Variants in SETD2 observed in about 807,000 individuals in gnomAD.
SETD2 encodes the protein SET domain containing 2, histone lysine methyltransferase, also known as histone-lysine N-methyltransferase SETD2.
In SETD2, 31 loss-of-function variants were observed where a neutral mutation model predicts 242.1. The observed-to-expected ratio is 0.13, with a 90% CI of 0.10 to 0.17. The LOEUF is 0.17. SETD2 is among the 10% of genes least tolerant of loss of function. SETD2 has a pLI of 1.00. For missense variants in SETD2, 2,481 were observed against 3,046.3 expected (o/e 0.81, Z 4.37); for synonymous variants, 1,006 against 1,066.5 (o/e 0.94, Z 1.11).
At chr3:47,130,244 G>C (rs2043446904) in intron 1 of SETD2, among the ~76,000 whole-genome samples, 2 of 152,190 alleles carry the variant, frequency 1.3e-5, no homozygotes, top group African/African-American at 4.8e-5. Context: ...AATAGACAGG[G>C]AGTGAAATCT....
At chr3:47,095,966 G>C (rs549798131) in intron 9 of SETD2, among the ~76,000 whole-genome samples, 1 of 152,000 alleles carries the variant, frequency 6.6e-6, no homozygotes, top group African/African-American at 2.4e-5. Context: ...ATATTGCCTA[G>C]GATGGTCTTG....
At chr3:47,089,057 A>G (rs962769179) in intron 9 of SETD2, among the ~76,000 whole-genome samples, 6 of 152,226 alleles carry the variant, frequency 3.9e-5, no homozygotes, top group African/African-American at 1.4e-4. Context: ...ATTAAGAAAA[A>G]GCAAGTTCCA....
At chr3:47,049,747 A>AAACTTATTCTATGAGTTTATATTAT (rs1488903555) in intron 15 of SETD2, among the ~76,000 whole-genome samples, 10 of 36,080 alleles carry the variant, frequency 2.8e-4, no homozygotes, top group Non-Finnish European at 6.1e-4. Flanking sequence ...ATTATATATT[A>AAACTTATTCTATGAGTTTATATTAT]TATATATAAA....
At chr3:47,062,136 A>G (rs1559677975) in intron 14 of SETD2, 27 bp downstream of exon 14, 3 of 1,595,804 alleles carry the variant, frequency 1.9e-6, no homozygotes, top group Non-Finnish European at 2.6e-6. Flanking sequence ...AAAAACAAAA[A>G]CAAAAAAACT....
chr3:47,144,365 G>A (rs1277165243), intron 1 of SETD2, among the ~76,000 whole-genome samples: 1 of 152,144 alleles, frequency 6.6e-6, no homozygotes, highest in African/African-American at 2.4e-5. Flanking sequence ...CCAGCCGGGT[G>A]CAGTGGCTCA....
chr3:47,140,598 C>CGTGA (rs748577432), intron 1 of SETD2, among the ~76,000 whole-genome samples: 6 of 152,180 alleles, frequency 3.9e-5, no homozygotes, highest in Non-Finnish European at 5.9e-5. Context: ...CAGTGGCTCA[C>CGTGA]GCCTGTAATC....
chr3:47,043,799 C>T (rs1041525240), intron 16 of SETD2, among the ~76,000 whole-genome samples: 2 of 152,130 alleles, frequency 1.3e-5, no homozygotes, highest in East Asian at 3.8e-4. Flanking sequence ...CTCCATTACC[C>T]TATCCTTTAG....
Position 47,105,335 on chromosome 3 carries a change from G to A in SETD2, c.4839+662C>T, listed in dbSNP as rs140406734. Among the ~76,000 whole-genome samples the A allele has an allele frequency of 4.8e-3, 717 of 150,886 alleles. 9 individuals are homozygous for A. The highest frequency in any genetic ancestry group is 0.017 in the African/African-American group (683 of 40,992). ...TGAGGCACAAGAATCGCTTGAACCC[G>A]GGAGGCAGAGGTTGCAATGAGCCAA... is the stretch of plus-strand genomic sequence containing the variant. On this transcript the variant is annotated intron_variant, in intron 6 of 20. Coordinates refer to ENST00000409792, the MANE Select transcript of SETD2 (RefSeq NM_014159.7).
intron 2 of SETD2, among the ~76,000 whole-genome samples, chr3:47,126,297 C>T (rs1423639947): frequency 6.6e-6 from 1 of 152,244 alleles, no homozygotes; most frequent in Non-Finnish European, 1.5e-5. Context: ...GCTGGGATTA[C>T]AGGCATGAGC....
At chr3:47,043,728 C>T (rs2039387179) in intron 16 of SETD2, among the ~76,000 whole-genome samples, 1 of 152,150 alleles carries the variant, frequency 6.6e-6, no homozygotes. Flanking sequence ...TTTGTGTATA[C>T]TCTTTTTTAT....
intron 1 of SETD2, among the ~76,000 whole-genome samples, chr3:47,129,267 T>C (rs981482552): frequency 7.2e-5 from 11 of 152,080 alleles, no homozygotes; most frequent in African/African-American, 2.4e-4. Context: ...AATCAGAAAT[T>C]TGGAGGGAAA....
At chr3:47,041,685 C>T (rs891549758) in intron 17 of SETD2, among the ~76,000 whole-genome samples, 1 of 151,988 alleles carries the variant, frequency 6.6e-6, no homozygotes, top group African/African-American at 2.4e-5. Flanking sequence ...CATATACCCA[C>T]ATAAAGCTAT....
chr3:47,147,781 G>A (rs2043893010), intron 1 of SETD2, among the ~76,000 whole-genome samples: 1 of 151,546 alleles, frequency 6.6e-6, no homozygotes, highest in African/African-American at 2.4e-5. Flanking sequence ...AAATTAGCCG[G>A]GCAAGGTGGT....
chr3:47,021,737 T>C (rs2038227382), intron 18 of SETD2, among the ~76,000 whole-genome samples: 1 of 152,236 alleles, frequency 6.6e-6, no homozygotes, highest in Non-Finnish European at 1.5e-5. Context: ...AGAAACTGGC[T>C]AACATTTACT....
rs34309892 is a variant in SETD2 at position 47,040,569 on chromosome 3, A to ATTTTTTTTTTTTTTTTT, written c.7238+1975_7238+1991dup. On this transcript the variant is annotated intron_variant, in intron 17 of 20. Transcript: ENST00000409792. Reference sequence around the variant, plus strand: ...AAAATAGATGACATGAGGGAAAAGGATTTTTTTTTTTTTTTTTTTTTTGGA... The same window carrying ATTTTTTTTTTTTTTTTT: ...AAAATAGATGACATGAGGGAAAAGGATTTTTTTTTTTTTTTTTTTTTTTTTTTTTTTTTTTTTTTGGA... Among the ~76,000 whole-genome samples the ATTTTTTTTTTTTTTTTT allele has an allele frequency of 7.6e-5, 7 of 91,720 alleles. 1 individual carries two copies. Among genetic ancestry groups the ATTTTTTTTTTTTTTTTT allele is most frequent in the African/African-American group, 3.1e-4 (7 of 22,842 alleles). The allele number at this position is 91,720 out of a possible 152,430, so 60.2% of individuals were successfully genotyped here.
At chr3:47,127,340 G>A (rs1413621980) in intron 1 of SETD2, among the ~76,000 whole-genome samples, 1 of 134,932 alleles carries the variant, frequency 7.4e-6, no homozygotes, top group Non-Finnish European at 1.6e-5. Context: ...CTGTGGTGAT[G>A]GCTGTCTTTA....
chr3:47,088,689 T>C (rs1418231492), intron 9 of SETD2, among the ~76,000 whole-genome samples: 2 of 152,192 alleles, frequency 1.3e-5, no homozygotes, highest in African/African-American at 2.4e-5. Context: ...ATATAATTTA[T>C]ATGTTATAAT....
In SETD2 at chr3:47,120,638, T is replaced by C. The variant is rs2043037547; in HGVS notation, c.3998A>G (p.Asp1333Gly). Residue 1333 changes from aspartate to glycine, a missense_variant, in exon 3 of 21, where the codon GAT becomes GGT. Asp to Gly is a moderately conservative substitution (Grantham distance 94). Around this residue, in one of 17 missense-constraint regions of SETD2, gnomAD observed 1,300 missense variants for 1,259.2 expected, o/e 1.03. Transcript: ENST00000409792. ...CCAATTCTCCTCTTCTTCACGATCATCTGTTAGGGAATCTGGTACTTGTCC... is the reference window on the plus strand; with the variant it reads ...CCAATTCTCCTCTTCTTCACGATCACCTGTTAGGGAATCTGGTACTTGTCC... ...TQGQVPDSLT[D>G]DREEEENWDQ... 6.2e-7 allele frequency: 1 copy of C among 1,614,116 alleles called. No homozygotes were observed. Among genetic ancestry groups the C allele is most frequent in the Non-Finnish European group, 8.5e-7 (1 of 1,180,034 alleles).
At chr3:47,020,696 C>A (rs1043770801) in intron 18 of SETD2, among the ~76,000 whole-genome samples, 1 of 152,212 alleles carries the variant, frequency 6.6e-6, no homozygotes, top group African/African-American at 2.4e-5. Context: ...ATGAGCATTC[C>A]CCTCCAAATA....
Sources: gnomAD v4.1 joint callset for allele counts (sites outside exome capture counted in the v4.1 genomes callset) on GRCh38, gnomAD v4.1.1 for gene constraint, gnomAD v4.1.1 regional missense constraint, MANE v1.5 for transcripts, NCBI Gene and HGNC (gene_info 2026-07-23, HGNC 2026-07-21) for gene names.